The following GPR107 variants were observed in gnomAD, a reference collection of about 807,000 sequenced individuals.
GPR107 encodes protein GPR107.
GPR107 carries 31 observed loss-of-function variants against 75.5 expected under a neutral mutation model. The observed-to-expected ratio is 0.41, with a 90% CI of 0.31 to 0.55. The LOEUF is 0.55. GPR107 is among the 20% of genes least tolerant of loss of function. The pLI is 0.26. For synonymous variants in GPR107, 267 were observed against 251.3 expected, an observed-to-expected ratio of 1.06 and a Z score of -0.59; for missense variants, 572 against 665.7, an observed-to-expected ratio of 0.86 and a Z score of 1.55.
chr9:130,132,798 A>T (rs981480840), intron 17 of GPR107, among the ~76,000 whole-genome samples: 7 of 120,204 alleles, frequency 5.8e-5, no homozygotes, highest in South Asian at 2.6e-4. Context: ...AAAATCAAAT[A>T]AAAAAAAAAT....
chr9:130,089,550 C>T (rs547795908), intron 7 of GPR107, among the ~76,000 whole-genome samples: 1 of 152,234 alleles, frequency 6.6e-6, no homozygotes, highest in East Asian at 1.9e-4. Context: ...AGGGCTTACT[C>T]CAACTCTAGA....
At position 130,112,384 on chromosome 9, in the gene GPR107, CTT is replaced by C. The variant is rs1263401486; in HGVS notation, c.1306+4846_1306+4847del. On this transcript the variant is annotated intron_variant, in intron 14 of 17. Coordinates refer to ENST00000347136, the MANE Select transcript of GPR107 (RefSeq NM_020960.5). The surrounding 1 kb of genome is among the most constrained non-coding windows in gnomAD (Gnocchi z 4.0). Reference sequence around the variant, plus strand: ...TTTCATAATCATACGGTGTGAGTCTCTTGTGCTGTTGACATTTGCCTGATGGT... The same window carrying C: ...TTTCATAATCATACGGTGTGAGTCTCGTGCTGTTGACATTTGCCTGATGGT... Among the ~76,000 whole-genome samples the C allele has an allele frequency of 2.0e-5, 3 of 152,166 alleles. No individual in the cohort carries two copies. The highest frequency in any genetic ancestry group is 4.4e-5 in the Non-Finnish European group (3 of 68,030).
intron 9 of GPR107, among the ~76,000 whole-genome samples, chr9:130,097,141 CTTTTCTTTT>C (rs1009181885): frequency 2.3e-5 from 3 of 133,312 alleles, no homozygotes; most frequent in African/African-American, 5.5e-5. Flanking sequence ...CTTTTCTTTA[CTTTTCTTTT>C]TTTTCTTTTT....
At chr9:130,126,305 A>C (rs1235655247) in intron 15 of GPR107, among the ~76,000 whole-genome samples, 2 of 149,282 alleles carry the variant, frequency 1.3e-5, no homozygotes, top group Non-Finnish European at 3.0e-5. Context: ...TCCCAGAGTT[A>C]GTTTGCTTCC....
At position 130,110,337 on chromosome 9, in the gene GPR107, C is replaced by G. The variant is rs780972296; in HGVS notation, c.1306+2798C>G. The G allele has an allele frequency of 2.6e-5, 35 of 1,352,832 alleles. No individual in the cohort carries two copies. The South Asian group carries it at 3.9e-4, about 15-fold the overall frequency. 83.8% of individuals were successfully genotyped at this position (1,352,832 alleles called of 1,614,324 possible). A position where few individuals can be genotyped will look rare whatever the true frequency, so the allele number is the denominator to read the frequency against. ...AGGAACGCTTTTGTCATGGCCTGGGCACACAAGGCAGTTTCTCATTTTTTT... is the reference window on the plus strand; with the variant it reads ...AGGAACGCTTTTGTCATGGCCTGGGGACACAAGGCAGTTTCTCATTTTTTT... On this transcript the variant is annotated intron_variant, in intron 14 of 17. Coordinates refer to ENST00000347136, the MANE Select transcript of GPR107 (RefSeq NM_020960.5).
At chr9:130,133,517 C>A (rs1831880700) in intron 17 of GPR107, among the ~76,000 whole-genome samples, 1 of 152,172 alleles carries the variant, frequency 6.6e-6, no homozygotes, top group Non-Finnish European at 1.5e-5. Context: ...GCAGGGGCTT[C>A]TCTGGCTCAT....
At chr9:130,120,709 A>T (rs1831527163) in intron 14 of GPR107, 1 of 152,256 alleles carries the variant, frequency 6.6e-6, no homozygotes, top group Admixed American at 6.6e-5. Flanking sequence ...CTTTGACCTC[A>T]TTTGGGCTTT....
chr9:130,081,856 A>AAAACC (rs1222723710), intron 5 of GPR107, among the ~76,000 whole-genome samples: 1 of 152,042 alleles, frequency 6.6e-6, no homozygotes, highest in African/African-American at 2.4e-5. Context: ...AGCCTGTCTC[A>AAAACC]AAACCAACCA....
intron 12 of GPR107, among the ~76,000 whole-genome samples, chr9:130,102,502 G>C (rs1831059354): frequency 6.6e-6 from 1 of 152,206 alleles, no homozygotes; most frequent in Non-Finnish European, 1.5e-5. Flanking sequence ...AGTCTGAGAA[G>C]ATAAGGACAT....
intron 1 of GPR107, among the ~76,000 whole-genome samples, chr9:130,055,915 C>A (rs931538013): frequency 6.6e-5 from 10 of 151,996 alleles, no homozygotes; most frequent in Non-Finnish European, 1.3e-4. Context: ...CCACTGCACT[C>A]CAGTCGGGGC....
intron 14 of GPR107, among the ~76,000 whole-genome samples, chr9:130,123,199 C>A (rs985676116): frequency 2.0e-5 from 3 of 151,934 alleles, no homozygotes; most frequent in African/African-American, 7.3e-5. Flanking sequence ...CGTGCCATCA[C>A]AAACAGCTAA....
chr9:130,087,805 CAAAA>C lies in GPR107; in HGVS notation c.621+1346_621+1349del, dbSNP rs35984705. On this transcript the variant is annotated intron_variant, in intron 7 of 17. Coordinates refer to ENST00000347136, the MANE Select transcript of GPR107 (RefSeq NM_020960.5). ...TGGGTGACAGAGTGAGACCCTGTCT[CAAAA>C]AAAAAAAAAAAAAAAAGCCTACAGT... 8.2e-4 allele frequency among the ~76,000 whole-genome samples: 72 copies of C among 87,612 alleles called. 1 individual carries two copies. The highest frequency in any genetic ancestry group is 8.3e-3 in the Middle Eastern group (1 of 120). 57.5% of individuals were successfully genotyped at this position (87,612 alleles called of 152,430 possible). A position where few individuals can be genotyped will look rare whatever the true frequency, so the allele number is the denominator to read the frequency against.
At chr9:130,107,288 T>G (rs1589517602) in intron 13 of GPR107, among the ~76,000 whole-genome samples, 1 of 152,226 alleles carries the variant, frequency 6.6e-6, no homozygotes, top group East Asian at 1.9e-4. Context: ...TGCCACAGAT[T>G]TGGCCAGCAG....
intron 1 of GPR107, among the ~76,000 whole-genome samples, chr9:130,059,257 G>A (rs1829869607): frequency 6.6e-6 from 1 of 152,206 alleles, no homozygotes; most frequent in South Asian, 2.1e-4. Flanking sequence ...GGAGGCCAAG[G>A]CAGGTGGATC....
At chr9:130,114,337 C>G (rs539930635) in intron 14 of GPR107, among the ~76,000 whole-genome samples, 82 of 151,988 alleles carry the variant, frequency 5.4e-4, no homozygotes, top group African/African-American at 1.9e-3. Context: ...CCACTGCACT[C>G]CAGCCTGGGC....
intron 14 of GPR107, among the ~76,000 whole-genome samples, chr9:130,122,347 G>C (rs888295914): frequency 1.9e-4 from 29 of 152,322 alleles, no homozygotes; most frequent in African/African-American, 7.0e-4. Context: ...TACAGTATGA[G>C]CTGGTCATTT....
At chr9:130,132,829 T>TTA (rs35291670) in intron 17 of GPR107, among the ~76,000 whole-genome samples, 82,372 of 147,530 alleles carry the variant, frequency 0.56, 24,292 homozygotes, top group Non-Finnish European at 0.67. Flanking sequence ...TTTTATATAT[T>TTA]TATATATATA....
In GPR107 at chr9:130,110,904, A is replaced by G. The variant is rs1323470028; in HGVS notation, c.1306+3365A>G. ...AAGGCTACAGGCAATAATGTCTCCT[A>G]TTAGATTTGGAAGCTTTGCTGGATA... On this transcript the variant is annotated intron_variant, in intron 14 of 17. Transcript: ENST00000347136. Among the ~76,000 whole-genome samples the G allele has an allele frequency of 2.6e-5, 4 of 152,184 alleles. No individual in the cohort carries two copies. In the East Asian group the frequency reaches 5.8e-4, roughly 22 times the overall value.
chr9:130,098,768 G>A lies in GPR107; in HGVS notation c.864-689G>A, dbSNP rs190872820. Among the ~76,000 whole-genome samples the A allele has an allele frequency of 5.3e-5, 8 of 152,346 alleles. No homozygotes were observed. In the East Asian group the frequency reaches 1.5e-3, roughly 29 times the overall value. On this transcript the variant is annotated intron_variant, in intron 9 of 17. Coordinates refer to ENST00000347136, the MANE Select transcript of GPR107 (RefSeq NM_020960.5). ...CACCCCTGTAATCCCAGCACTTTGG[G>A]AGGCAGAGGCGGGTGGATTACTTGA...
Sources: allele counts gnomAD v4.1 joint callset (sites outside exome capture counted in the v4.1 genomes callset), GRCh38; gene constraint gnomAD v4.1.1; non-coding constraint Gnocchi (gnomAD v3.1); transcripts MANE v1.5; gene names NCBI Gene and HGNC (gene_info 2026-07-23, HGNC 2026-07-21).